The following BAG3 variants were observed in gnomAD, a reference collection of about 807,000 sequenced individuals.
BAG3 encodes the protein BAG cochaperone 3.
Under a neutral mutation model 40.5 loss-of-function variants are expected in BAG3, and 14 were observed. The ratio of observed to expected loss-of-function variants is 0.35; its 90% confidence interval spans 0.23 to 0.54. The LOEUF is 0.54. BAG3 is among the 20% of genes least tolerant of loss of function. BAG3 has a pLI of 0.91. For synonymous variants in BAG3, 302 were observed against 307.8 expected (o/e 0.98, Z 0.20); for missense variants, 788 against 758.6 (o/e 1.04, Z -0.46).
chr10:119,666,405 A>G (rs1589627145), intron 1 of BAG3, among the ~76,000 whole-genome samples: 1 of 152,290 alleles, frequency 6.6e-6, no homozygotes, highest in East Asian at 1.9e-4. Context: ...CCGTGGACCA[A>G]GCCATGTCTC....
Position 119,662,136 on chromosome 10 carries a change from C to G in BAG3, c.181-7715C>G, listed in dbSNP as rs1037671836. On this transcript the variant is annotated intron_variant, in intron 1 of 3. Transcript: ENST00000369085. ...GATCTCAGCTCACTGCAACCTCTGC[C>G]TCCTGGGTTCAAGCGATTCTCCTGC... 2.0e-5 allele frequency among the ~76,000 whole-genome samples: 3 copies of G among 152,006 alleles called. No homozygotes were observed. In the South Asian group the frequency reaches 6.2e-4, roughly 32 times the overall value.
chr10:119,654,006 CA>C (rs1177291993), intron 1 of BAG3, among the ~76,000 whole-genome samples: 1 of 152,122 alleles, frequency 6.6e-6, no homozygotes, highest in Non-Finnish European at 1.5e-5. Context: ...TTCCCTTTAC[CA>C]AGTGAATGAC....
chr10:119,660,083 C>T lies in BAG3; in HGVS notation c.180+8228C>T, dbSNP rs563192438. ...GGAGGCTGGATGCTGACTCAGGTGC[C>T]CCCAGCAGGGGAAATACCAGCAGCT... On this transcript the variant is annotated intron_variant, in intron 1 of 3. Coordinates refer to ENST00000369085, the MANE Select transcript of BAG3 (RefSeq NM_004281.4). Among the ~76,000 whole-genome samples the T allele has an allele frequency of 2.0e-5, 3 of 152,360 alleles. No individual in the cohort carries two copies. The South Asian group carries it at 6.2e-4, about 32-fold the overall frequency.
chr10:119,672,561 G>A lies in BAG3; in HGVS notation c.814G>A (p.Gly272Ser). ...ATCCCCGTTCAGGTCATCTGTCCAG[G>A]GTGCATCGAGCCGGGAGGGCTCACC... ...AASPFRSSVQ[G>S]ASSREGSPAR... The change falls in exon 3 of 4, where the codon GGT (glycine) becomes AGT (serine). Residue 272 changes from glycine (G) to serine (S), a missense_variant. Gly to Ser is a moderately conservative substitution (Grantham distance 56). Coordinates refer to ENST00000369085, the MANE Select transcript of BAG3 (RefSeq NM_004281.4). This position sits in a 1 kb window ranked among gnomAD's most constrained non-coding sequence, Gnocchi z 4.8. The A allele has an allele frequency of 6.2e-7, 1 of 1,614,038 alleles. No individual in the cohort carries two copies. The highest frequency in any genetic ancestry group is 8.5e-7 in the Non-Finnish European group (1 of 1,179,998).
In BAG3 at chr10:119,651,864, G is replaced by A. The variant is rs1433391589; in HGVS notation, c.180+9G>A. ...CCTCTGAGGGCCCCAAGGTGAGCCG[G>A]GCCCGCGGCCCGCCCTGGTCGGTGG... On this transcript the variant is annotated intron_variant, in intron 1 of 3. Coordinates refer to ENST00000369085, the MANE Select transcript of BAG3 (RefSeq NM_004281.4). 6.5e-7 allele frequency: 1 copy of A among 1,546,008 alleles called. No homozygotes were observed. The highest frequency in any genetic ancestry group is 8.7e-7 in the Non-Finnish European group (1 of 1,147,040).
intron 3 of BAG3, among the ~76,000 whole-genome samples, chr10:119,674,711 G>A (rs897278718): frequency 3.3e-5 from 5 of 152,168 alleles, no homozygotes; most frequent in African/African-American, 9.7e-5. Flanking sequence ...CTGTAATCCT[G>A]TAATCCTAGC....
intron 1 of BAG3, among the ~76,000 whole-genome samples, chr10:119,669,299 T>C (rs1027080542): frequency 2.0e-5 from 3 of 152,192 alleles, no homozygotes; most frequent in African/African-American, 7.2e-5. Context: ...TTCCCCTTCC[T>C]GCAAATTGTT....
chr10:119,651,388 C>T lies in BAG3; in HGVS notation c.-288C>T, dbSNP rs1180850809. ...ACTCAGGGCGGAGCTCCGCATCCAA[C>T]CCCGGGCCGCGGCCAACTTCTCTGG... is the stretch of plus-strand genomic sequence containing the variant. On this transcript the variant is annotated 5_prime_UTR_variant, in exon 1 of 4. Transcript: ENST00000369085. 2.5e-5 allele frequency: 8 copies of T among 321,492 alleles called. No individual in the cohort carries two copies. Among genetic ancestry groups the T allele is most frequent in the African/African-American group, 2.2e-5 (1 of 45,990 alleles). 19.9% of individuals were successfully genotyped at this position (321,492 alleles called of 1,614,324 possible).
chr10:119,665,262 G>A lies in BAG3; in HGVS notation c.181-4589G>A, dbSNP rs369568393. 3.0e-3 allele frequency among the ~76,000 whole-genome samples: 450 copies of A among 150,968 alleles called. 2 individuals are homozygous for A. Among genetic ancestry groups the A allele is most frequent in the African/African-American group, 0.01 (423 of 41,116 alleles). On this transcript the variant is annotated intron_variant, in intron 1 of 3. Transcript: ENST00000369085. ...CGCCATTCTCCTGCCTCAGCCTCCC[G>A]AGTAGCTGGGACTACAGGTGCCTGC... is the stretch of plus-strand genomic sequence containing the variant.
chr10:119,654,306 G>A (rs1846882086), intron 1 of BAG3, among the ~76,000 whole-genome samples: 2 of 152,316 alleles, frequency 1.3e-5, no homozygotes, highest in South Asian at 2.1e-4. Context: ...TCATCTTCAA[G>A]AGGAAATGCT....
intron 2 of BAG3, among the ~76,000 whole-genome samples, chr10:119,670,992 C>G (rs910549488): frequency 1.3e-5 from 2 of 152,182 alleles, no homozygotes; most frequent in Non-Finnish European, 2.9e-5. Flanking sequence ...TGAATCTGTT[C>G]AGCTTCACAC....
rs2134050640 is a variant in BAG3 at position 119,651,807 on chromosome 10, C to T, written c.132C>T (p.Ser44=). ...GGCCCTTCTTCGTGGACCACAACAG[C>T]CGCACCACTACGTGGAACGACCCGC... ...TGWPFFVDHN[S]RTTTWNDPRV... The change falls in exon 1 of 4, where the codon AGC becomes AGT. Residue 44 remains serine, a synonymous_variant. Coordinates refer to ENST00000369085, the MANE Select transcript of BAG3 (RefSeq NM_004281.4). 1.9e-6 allele frequency: 3 copies of T among 1,598,578 alleles called. No homozygotes were observed. Among genetic ancestry groups the T allele is most frequent in the Non-Finnish European group, 2.6e-6 (3 of 1,173,224 alleles).
rs572119494 is a variant in BAG3 at position 119,665,158 on chromosome 10, T to C, written c.181-4693T>C. ...TATATATATATATTTTTTTTTTTAG[T>C]TGGAGTCTTGCTCTGTCGCCCAGGC... On this transcript the variant is annotated intron_variant, in intron 1 of 3. Coordinates refer to ENST00000369085, the MANE Select transcript of BAG3 (RefSeq NM_004281.4). 1.6e-4 allele frequency among the ~76,000 whole-genome samples: 20 copies of C among 125,262 alleles called. 1 individual carries two copies. In the East Asian group the frequency reaches 4.0e-3, roughly 25 times the overall value. The allele number at this position is 125,262 out of a possible 152,430, so 82.2% of individuals were successfully genotyped here.
chr10:119,670,857 T>G (rs929599691), intron 2 of BAG3, among the ~76,000 whole-genome samples: 1 of 152,246 alleles, frequency 6.6e-6, no homozygotes, highest in African/African-American at 2.4e-5. Flanking sequence ...GTAGGATTCC[T>G]AAGCAGTAAG....
At chr10:119,659,248 T>C (rs1037055155) in intron 1 of BAG3, among the ~76,000 whole-genome samples, 2 of 152,238 alleles carry the variant, frequency 1.3e-5, no homozygotes, top group Admixed American at 6.5e-5. Context: ...CAAGATAGGC[T>C]GGGTCCTTGT....
rs566077492 is a variant in BAG3 at position 119,664,599 on chromosome 10, G to A, written c.181-5252G>A. 3.3e-5 allele frequency among the ~76,000 whole-genome samples: 5 copies of A among 152,206 alleles called. No individual in the cohort carries two copies. The East Asian group carries it at 7.7e-4, about 24-fold the overall frequency. Reference sequence around the variant, plus strand: ...TCACCGTGGTTGCATCCCAGTCCCTGTCCCATGATCACACAGAGCTGTCCC... The same window carrying A: ...TCACCGTGGTTGCATCCCAGTCCCTATCCCATGATCACACAGAGCTGTCCC... On this transcript the variant is annotated intron_variant, in intron 1 of 3. Coordinates refer to ENST00000369085, the MANE Select transcript of BAG3 (RefSeq NM_004281.4).
chr10:119,668,103 C>T (rs995229356), intron 1 of BAG3, among the ~76,000 whole-genome samples: 4 of 152,234 alleles, frequency 2.6e-5, no homozygotes, highest in Non-Finnish European at 4.4e-5. Flanking sequence ...GCCCTGAGCA[C>T]GTGGCTGTTC....
Position 119,670,097 on chromosome 10 carries a change from G to C in BAG3, c.427G>C (p.Glu143Gln), listed in dbSNP as rs772004889. The change falls in exon 2 of 4, where the codon GAA (glutamate) becomes CAA (glutamine). Residue 143 changes from glutamate (E) to glutamine (Q), a missense_variant. By Grantham distance (29) the Glu-to-Gln change is conservative (BLOSUM62 2). Transcript: ENST00000369085. ...RSQSPLRGMP[E>Q]TTQPDKQCGQ... ...CCAGTCACCTCTGCGGGGCATGCCA[G>C]AAACCACTCAGCCAGATAAACAGTG... The C allele has an allele frequency of 6.2e-7, 1 of 1,613,572 alleles. No homozygotes were observed. The highest frequency in any genetic ancestry group is 8.5e-7 in the Non-Finnish European group (1 of 1,179,622).
At position 119,676,527 on chromosome 10, in the gene BAG3, C is replaced by G. The variant is rs2134068715; in HGVS notation, c.973C>G (p.Pro325Ala). Residue 325 changes from proline (P) to alanine (A), a missense_variant, in exon 4 of 4, where the codon CCA (proline) becomes GCA (alanine). By Grantham distance (27) the Pro-to-Ala change is conservative (BLOSUM62 -1). Coordinates refer to ENST00000369085, the MANE Select transcript of BAG3 (RefSeq NM_004281.4). ...SQPENKPESK[P>A]GPVGPELPPG... is the part of the protein sequence containing the mutation. ...GCCTGAAAACAAACCAGAAAGTAAG[C>G]CAGGCCCAGTTGGACCAGAACTCCC... is the stretch of plus-strand genomic sequence containing the variant. The G allele has an allele frequency of 1.6e-5, 26 of 1,613,990 alleles. No individual in the cohort carries two copies. Among genetic ancestry groups the G allele is most frequent in the Non-Finnish European group, 2.2e-5 (26 of 1,180,004 alleles).
Sources: gnomAD v4.1 joint callset for allele counts (sites outside exome capture counted in the v4.1 genomes callset) on GRCh38, gnomAD v4.1.1 for gene constraint, Gnocchi (gnomAD v3.1) non-coding constraint, MANE v1.5 for transcripts, NCBI Gene and HGNC (gene_info 2026-07-23, HGNC 2026-07-21) for gene names.